The following GNAL variants were observed in gnomAD, a reference collection of about 807,000 sequenced individuals.
GNAL encodes the protein G protein subunit alpha L.
GNAL carries 18 observed loss-of-function variants against 55.1 expected under a neutral mutation model. That is an observed-to-expected ratio of 0.33 (90% CI 0.23 to 0.48). The LOEUF (loss-of-function observed/expected upper bound fraction) is 0.48. GNAL is among the 20% of genes least tolerant of loss of function. The pLI is 0.99. For missense variants in GNAL, 412 were observed against 614.1 expected, an observed-to-expected ratio of 0.67 and a Z score of 3.48; for synonymous variants, 253 against 237.0, an observed-to-expected ratio of 1.07 and a Z score of -0.62.
intron 1 of GNAL, among the ~76,000 whole-genome samples, chr18:11,715,266 T>G (rs564883870): frequency 2.0e-3 from 307 of 150,804 alleles, no homozygotes; most frequent in African/African-American, 7.1e-3. Context: ...GAGACCATCC[T>G]GGCTAACACG....
Position 11,876,663 on chromosome 18 carries a change from A to G in GNAL, c.1205A>G (p.Lys402Arg). ...GAAGATCCCAAAGTTACAAGAGCCA[A>G]GTTCTTTATCCGGGACCTGTTTTTG... ...AGEDPKVTRA[K>R]FFIRDLFLRI... Residue 402 changes from lysine (K) to arginine (R), a missense_variant, in exon 11 of 12, where the codon AAG (lysine) becomes AGG (arginine). Around this residue, in one of 5 missense-constraint regions of GNAL, gnomAD observed 79 missense variants for 127.1 expected, o/e 0.62. Transcript: ENST00000334049. 1.9e-6 allele frequency: 3 copies of G among 1,607,340 alleles called. No individual in the cohort carries two copies. Among genetic ancestry groups the G allele is most frequent in the Non-Finnish European group, 2.6e-6 (3 of 1,173,766 alleles).
At chr18:11,756,557 C>T (rs2033063246) in intron 4 of GNAL, among the ~76,000 whole-genome samples, 1 of 151,418 alleles carries the variant, frequency 6.6e-6, no homozygotes, top group Non-Finnish European at 1.5e-5. Flanking sequence ...TTTAACATAG[C>T]CCCGACTTAT....
intron 1 of GNAL, among the ~76,000 whole-genome samples, chr18:11,722,598 C>T (rs985911986): frequency 3.3e-5 from 5 of 152,278 alleles, no homozygotes; most frequent in South Asian, 2.1e-4. Flanking sequence ...TGGCTGGGTG[C>T]GGTGGCTGAC....
rs376503821 is a variant in GNAL at position 11,772,176 on chromosome 18, T to G, written c.624+18231T>G. Among the ~76,000 whole-genome samples the G allele has an allele frequency of 6.8e-4, 103 of 152,302 alleles. 1 individual carries two copies. The South Asian group carries it at 0.021, about 31-fold the overall frequency. ...AAAATTTTATGGTATGAATACAGTA[T>G]GACTATTATAGCAGAAATAAATAAA... On this transcript the variant is annotated intron_variant, in intron 4 of 11. Transcript: ENST00000334049.
intron 6 of GNAL, 50 bp from the exon 7 acceptor site, chr18:11,864,483 G>A: frequency 1.1e-6 from 1 of 935,706 alleles, no homozygotes; most frequent in Non-Finnish European, 1.8e-6. Context: ...GCTTTACCTT[G>A]AAGAAGAACA....
At chr18:11,777,571 G>T (rs2033818632) in intron 4 of GNAL, among the ~76,000 whole-genome samples, 1 of 152,190 alleles carries the variant, frequency 6.6e-6, no homozygotes, top group Non-Finnish European at 1.5e-5. Context: ...ATGAAAAGAG[G>T]CTTCAAATCT....
rs1219742089 is a variant in GNAL at position 11,689,720 on chromosome 18, C to T, written c.157C>T (p.Leu53Phe). 1.1e-5 allele frequency: 17 copies of T among 1,497,494 alleles called. No homozygotes were observed. In the African/African-American group the frequency reaches 1.5e-4, roughly 13 times the overall value. 92.8% of individuals were successfully genotyped at this position (1,497,494 alleles called of 1,614,324 possible). Residue 53 changes from leucine to phenylalanine, a missense_variant, in exon 1 of 12, where the codon CTC becomes TTC. By Grantham distance (22) the Leu-to-Phe change is conservative. Around this residue, in one of 5 missense-constraint regions of GNAL, gnomAD observed 228 missense variants for 194.8 expected, o/e 1.17. Transcript: ENST00000334049. ...CGCAAGGGACACGGCCCGGACCCTG[C>T]TCCCTCGGGGCGGCGAAGGGAGCCC... ...AAARDTARTLLPRGGEGSPAC... is the reference protein window; with the variant it reads ...AAARDTARTLFPRGGEGSPAC...
Position 11,706,786 on chromosome 18 carries a change from C to A in GNAL, c.376+16847C>A, listed in dbSNP as rs116402570. 5.1e-3 allele frequency among the ~76,000 whole-genome samples: 774 copies of A among 152,288 alleles called. 5 individuals are homozygous for A. Among genetic ancestry groups the A allele is most frequent in the African/African-American group, 0.018 (737 of 41,562 alleles). On this transcript the variant is annotated intron_variant, in intron 1 of 11. Transcript: ENST00000334049. ...TAACATTGTATCCTGAGATTGCAGC[C>A]ATTTAGTCACATCTTCGGGCTCCAC...
intron 5 of GNAL, among the ~76,000 whole-genome samples, chr18:11,840,799 C>T (rs761163517): frequency 1.3e-5 from 2 of 152,074 alleles, no homozygotes; most frequent in Admixed American, 6.6e-5. Context: ...GAGCAAGAGC[C>T]ATGTTGAATG....
At chr18:11,844,342 G>A (rs1567888301) in intron 5 of GNAL, among the ~76,000 whole-genome samples, 1 of 152,122 alleles carries the variant, frequency 6.6e-6, no homozygotes, top group Non-Finnish European at 1.5e-5. Context: ...GCTGAGGCAG[G>A]AGAATCGCTT....
chr18:11,804,984 A>G (rs1401658914), intron 4 of GNAL, among the ~76,000 whole-genome samples: 1 of 149,254 alleles, frequency 6.7e-6, no homozygotes, highest in Non-Finnish European at 1.5e-5. Context: ...ACATGGAGAT[A>G]CTGTGTAGTG....
intron 4 of GNAL, among the ~76,000 whole-genome samples, chr18:11,813,259 A>AAAAAAAAG (rs908150605): frequency 2.6e-5 from 4 of 151,644 alleles, no homozygotes; most frequent in South Asian, 2.1e-4. Flanking sequence ...CATCTTAAAA[A>AAAAAAAAG]AAAGAAAAAA....
intron 7 of GNAL, 126 bp downstream of exon 7, chr18:11,864,732 G>T: frequency 1.5e-6 from 1 of 675,034 alleles, no homozygotes; most frequent in Non-Finnish European, 2.8e-6. Context: ...AGAGCAGCTG[G>T]GGTGAAATTT....
chr18:11,780,458 GA>G (rs2033898108), intron 4 of GNAL, among the ~76,000 whole-genome samples: 1 of 151,962 alleles, frequency 6.6e-6, no homozygotes, highest in Non-Finnish European at 1.5e-5. Context: ...TTCAAAAAAT[GA>G]ATGTTTACAG....
intron 5 of GNAL, chr18:11,854,336 A>C (rs552437814): frequency 6.0e-6 from 1 of 167,176 alleles, no homozygotes; most frequent in South Asian, 2.1e-4. Context: ...TGAGTCATAA[A>C]TATTATTTTC....
At chr18:11,693,867 T>G (rs2031330113) in intron 1 of GNAL, among the ~76,000 whole-genome samples, 1 of 150,336 alleles carries the variant, frequency 6.7e-6, no homozygotes, top group Non-Finnish European at 1.5e-5. Flanking sequence ...TTTTTTTTTT[T>G]TTTTAGACAG....
intron 4 of GNAL, among the ~76,000 whole-genome samples, chr18:11,821,338 G>T (rs1004583518): frequency 2.0e-5 from 3 of 152,210 alleles, no homozygotes; most frequent in African/African-American, 7.2e-5. Flanking sequence ...ATGCATAGTG[G>T]TTAAAAACAC....
At chr18:11,741,913 G>A (rs1218945387) in intron 1 of GNAL, among the ~76,000 whole-genome samples, 1 of 152,130 alleles carries the variant, frequency 6.6e-6, no homozygotes, top group East Asian at 1.9e-4. Context: ...TAAGAGTACA[G>A]CGCAGTAGCA....
At chr18:11,857,938 C>G (rs1249549882) in intron 5 of GNAL, among the ~76,000 whole-genome samples, 1 of 152,148 alleles carries the variant, frequency 6.6e-6, no homozygotes, top group African/African-American at 2.4e-5. Flanking sequence ...AAGTTTTTTA[C>G]TTGCCTTGAC....
Sources: gnomAD v4.1 joint callset for allele counts (sites outside exome capture counted in the v4.1 genomes callset) on GRCh38, gnomAD v4.1.1 for gene constraint, gnomAD v4.1.1 regional missense constraint, MANE v1.5 for transcripts, NCBI Gene and HGNC (gene_info 2026-07-23, HGNC 2026-07-21) for gene names.